Variants in ITPRIP observed in about 807,000 individuals in gnomAD.
ITPRIP encodes inositol 1,4,5-trisphosphate receptor interacting protein, also known as inositol 1,4,5-trisphosphate receptor-interacting protein.
Under a neutral mutation model 35.8 loss-of-function variants are expected in ITPRIP, and 32 were observed. The observed-to-expected ratio is 0.89, with a 90% confidence interval of 0.68 to 1.20. The LOEUF (loss-of-function observed/expected upper bound fraction) is 1.20. Among genes scored for constraint, ITPRIP ranks in the 50% most tolerant of loss-of-function variants. The pLI is 0.00. For missense variants in ITPRIP, 653 were observed against 735.6 expected, an observed-to-expected ratio of 0.89 and a Z score of 1.30; for synonymous variants, 358 against 324.0, an observed-to-expected ratio of 1.11 and a Z score of -1.13.
intron 1 of ITPRIP, among the ~76,000 whole-genome samples, chr10:104,324,923 C>A (rs2013951872): frequency 6.6e-6 from 1 of 152,202 alleles, no homozygotes; most frequent in Non-Finnish European, 1.5e-5. Flanking sequence ...TCCTTAAAAA[C>A]CATGTGAGCA....
At chr10:104,335,684 G>A (rs1057097704) in intron 1 of ITPRIP, among the ~76,000 whole-genome samples, 6 of 152,134 alleles carry the variant, frequency 3.9e-5, no homozygotes, top group African/African-American at 1.4e-4. Context: ...TTCCTCCTTT[G>A]ACAGAGAAAG....
Position 104,310,353 on chromosome 10 carries a change from T to A in ITPRIP, c.*4055A>T, listed in dbSNP as rs2013455516. The A allele has an allele frequency of 6.6e-6, 1 of 152,136 alleles. No individual in the cohort carries two copies. The highest frequency in any genetic ancestry group is 1.5e-5 in the Non-Finnish European group (1 of 68,058). 9.4% of individuals were successfully genotyped at this position (152,136 alleles called of 1,614,324 possible). ...TCCTTAGTTTGGGGGTGAATCAAGTTACTGTCTCACTCAAAACCCGCCAAT... is the reference window on the plus strand; with the variant it reads ...TCCTTAGTTTGGGGGTGAATCAAGTAACTGTCTCACTCAAAACCCGCCAAT... On this transcript the variant is annotated 3_prime_UTR_variant, in exon 2 of 2. Coordinates refer to ENST00000337478, the MANE Select transcript of ITPRIP (RefSeq NM_001272013.2).
intron 1 of ITPRIP, among the ~76,000 whole-genome samples, chr10:104,318,977 C>A (rs1215028154): frequency 6.6e-6 from 1 of 152,218 alleles, no homozygotes; most frequent in Non-Finnish European, 1.5e-5. Context: ...CGCAGACGCC[C>A]CTACAAGGAA....
At chr10:104,329,645 C>T (rs2014109483) in intron 1 of ITPRIP, among the ~76,000 whole-genome samples, 2 of 152,046 alleles carry the variant, frequency 1.3e-5, no homozygotes, top group Non-Finnish European at 2.9e-5. Flanking sequence ...AAGAAACAGC[C>T]CAAAGCTCAT....
chr10:104,335,667 T>A (rs1271766164), intron 1 of ITPRIP, among the ~76,000 whole-genome samples: 3 of 152,188 alleles, frequency 2.0e-5, no homozygotes, highest in Non-Finnish European at 4.4e-5. Flanking sequence ...GGACTGAGAA[T>A]GGGTATTTCC....
chr10:104,321,189 C>T (rs892960863), intron 1 of ITPRIP, among the ~76,000 whole-genome samples: 12 of 152,200 alleles, frequency 7.9e-5, no homozygotes, highest in Non-Finnish European at 8.8e-5. Context: ...CAGGCTCTCC[C>T]GCACCTGTGG....
In ITPRIP at chr10:104,315,554, G is replaced by A; in HGVS notation, c.498C>T (p.Gly166=). 6.2e-7 allele frequency: 1 copy of A among 1,614,152 alleles called. No homozygotes were observed. Among genetic ancestry groups the A allele is most frequent in the Non-Finnish European group, 8.5e-7 (1 of 1,180,028 alleles). The change falls in exon 2 of 2, where the codon GGC becomes GGT. Residue 166 remains glycine (G), a synonymous_variant. Transcript: ENST00000337478. The surrounding 1 kb of genome is among the most constrained non-coding windows in gnomAD (Gnocchi z 5.7). ...DAARTREFLE[G]FVDDLLEALR... is the part of the protein sequence containing the mutation. The stretch of plus-strand genomic sequence containing the variant: ...GGGCTTCCAGCAAGTCATCCACGAA[G>A]CCTTCCAGGAACTCCCGGGTACGGG...
rs2014075588 is a variant in ITPRIP at position 104,328,355 on chromosome 10, T to A, written c.-14+9891A>T. Reference sequence around the variant, plus strand: ...TTTGGAGAGAGCATGAATACCCACCTTGGGGCAGGACATGCCAGAGTTCCC... The same window carrying A: ...TTTGGAGAGAGCATGAATACCCACCATGGGGCAGGACATGCCAGAGTTCCC... On this transcript the variant is annotated intron_variant, in intron 1 of 1. Coordinates refer to ENST00000337478, the MANE Select transcript of ITPRIP (RefSeq NM_001272013.2). The surrounding 1 kb of genome is among the most constrained non-coding windows in gnomAD (Gnocchi z 4.1). 1.1e-6 allele frequency: 1 copy of A among 921,948 alleles called. No homozygotes were observed. The allele number at this position is 921,948 out of a possible 1,614,324, so 57.1% of individuals were successfully genotyped here. A position where few individuals can be genotyped will look rare whatever the true frequency, so the allele number is the denominator to read the frequency against.
chr10:104,337,329 C>A (rs763312570), intron 1 of ITPRIP, among the ~76,000 whole-genome samples: 1 of 152,138 alleles, frequency 6.6e-6, no homozygotes, highest in Non-Finnish European at 1.5e-5. Flanking sequence ...GTCCAGATTG[C>A]GACCAATATC....
chr10:104,312,887 C>G lies in ITPRIP; in HGVS notation c.*1521G>C, dbSNP rs916168300. Reference sequence around the variant, plus strand: ...CTGGAGGAACACGGTATATTCTTGACTCCCTGGCCCCCTGCAAGGGTAACT... The same window carrying G: ...CTGGAGGAACACGGTATATTCTTGAGTCCCTGGCCCCCTGCAAGGGTAACT... On this transcript the variant is annotated 3_prime_UTR_variant, in exon 2 of 2. Coordinates refer to ENST00000337478, the MANE Select transcript of ITPRIP (RefSeq NM_001272013.2). 1.0e-6 allele frequency: 1 copy of G among 985,416 alleles called. No homozygotes were observed. The highest frequency in any genetic ancestry group is 1.7e-5 in the African/African-American group (1 of 57,348). The allele number at this position is 985,416 out of a possible 1,614,324, so 61.0% of individuals were successfully genotyped here.
intron 1 of ITPRIP, chr10:104,329,043 G>GCACACACACACACACACACA (rs66606338): frequency 2.7e-5 from 4 of 149,020 alleles, no homozygotes; most frequent in African/African-American, 9.8e-5. Context: ...CTGCACGCAT[G>GCACACACACACACACACACA]CACACACACA....
chr10:104,324,598 C>T (rs34564259), intron 1 of ITPRIP, among the ~76,000 whole-genome samples: 1 of 151,956 alleles, frequency 6.6e-6, no homozygotes, highest in Non-Finnish European at 1.5e-5. Flanking sequence ...CCACCTCCCC[C>T]AGACCTGCCA....
chr10:104,324,535 C>T (rs550955507), intron 1 of ITPRIP, among the ~76,000 whole-genome samples: 2 of 152,172 alleles, frequency 1.3e-5, no homozygotes, highest in South Asian at 2.1e-4. Flanking sequence ...GCCCTGACCC[C>T]GTCCAGTCAT....
chr10:104,315,123 C>T lies in ITPRIP; in HGVS notation c.929G>A (p.Arg310Lys), dbSNP rs2013617275. 1.2e-6 allele frequency: 2 copies of T among 1,613,970 alleles called. No homozygotes were observed. The highest frequency in any genetic ancestry group is 1.7e-6 in the Non-Finnish European group (2 of 1,179,970). ...VMKWFQTALT[R>K]AWKGIAHKYE... The stretch of plus-strand genomic sequence containing the variant: ...CTTGTGGGCGATGCCCTTCCAGGCT[C>T]TGGTGAGGGCCGTCTGGAACCACTT... Residue 310 changes from arginine to lysine, a missense_variant, in exon 2 of 2, where the codon AGA (arginine) becomes AAA (lysine). Physicochemically the swap from Arg to Lys is conservative, Grantham distance 26. Coordinates refer to ENST00000337478, the MANE Select transcript of ITPRIP (RefSeq NM_001272013.2). This position sits in a 1 kb window ranked among gnomAD's most constrained non-coding sequence, Gnocchi z 5.7.
At position 104,318,476 on chromosome 10, in the gene ITPRIP, C is replaced by T. The variant is rs185151540; in HGVS notation, c.-13-2412G>A. On this transcript the variant is annotated intron_variant, in intron 1 of 1. Coordinates refer to ENST00000337478, the MANE Select transcript of ITPRIP (RefSeq NM_001272013.2). The stretch of plus-strand genomic sequence containing the variant: ...ACAACCACCTACCCAGGTTCCTTGT[C>T]AACTCAGTGCAGGATGCCACGAACA... 2.2e-4 allele frequency among the ~76,000 whole-genome samples: 33 copies of T among 152,322 alleles called. No homozygotes were observed. The East Asian group carries it at 6.2e-3, about 29-fold the overall frequency.
chr10:104,316,807 C>T (rs2013706573), intron 1 of ITPRIP, among the ~76,000 whole-genome samples: 1 of 152,208 alleles, frequency 6.6e-6, no homozygotes, highest in Non-Finnish European at 1.5e-5. Context: ...AAGTGAATGT[C>T]ATCTTCCTGC....
rs2013518860 is a variant in ITPRIP, at chr10:104,312,738, TTC to T, written c.*1668_*1669del. The T allele has an allele frequency of 1.0e-6, 1 of 985,252 alleles. No homozygotes were observed. The highest frequency in any genetic ancestry group is 1.1e-4 in the East Asian group (1 of 8,788). 61.0% of individuals were successfully genotyped at this position (985,252 alleles called of 1,614,324 possible). On this transcript the variant is annotated 3_prime_UTR_variant, in exon 2 of 2. Coordinates refer to ENST00000337478, the MANE Select transcript of ITPRIP (RefSeq NM_001272013.2). ...GGCAAAGGGTCCATCTTCTCAAGCT[TTC>T]TGAGGCTGGTTGAGAGCACTCCTGG...
chr10:104,318,614 A>G (rs1389764764), intron 1 of ITPRIP, among the ~76,000 whole-genome samples: 3 of 152,224 alleles, frequency 2.0e-5, no homozygotes, highest in Non-Finnish European at 4.4e-5. Flanking sequence ...GAGGAGCTGT[A>G]AGAGCCTCCT....
At chr10:104,329,650 G>C (rs1317562176) in intron 1 of ITPRIP, among the ~76,000 whole-genome samples, 1 of 152,024 alleles carries the variant, frequency 6.6e-6, no homozygotes, top group African/African-American at 2.4e-5. Flanking sequence ...ACAGCCCAAA[G>C]CTCATCAGCT....
Sources: allele counts gnomAD v4.1 joint callset (sites outside exome capture counted in the v4.1 genomes callset), GRCh38; gene constraint gnomAD v4.1.1; non-coding constraint Gnocchi (gnomAD v3.1); transcripts MANE v1.5; gene names NCBI Gene and HGNC (gene_info 2026-07-23, HGNC 2026-07-21).